The following OR51B5 variants were observed in gnomAD, a reference collection of about 807,000 sequenced individuals.
OR51B5 encodes the protein olfactory receptor 51B5.
For synonymous variants in OR51B5, 186 were observed against 144.8 expected, an observed-to-expected ratio of 1.28 and a Z score of -2.04; for missense variants, 456 against 374.6, an observed-to-expected ratio of 1.22 and a Z score of -1.79.
At chr11:5,373,137 C>G (rs949167809) in intron 1 of OR51B5, among the ~76,000 whole-genome samples, 16 of 152,064 alleles carry the variant, frequency 1.1e-4, no homozygotes, top group Non-Finnish European at 2.1e-4. Flanking sequence ...AAAATTGGAC[C>G]TTTACCTTAA....
chr11:5,416,621 T>TA (rs1254073194), intron 1 of OR51B5, among the ~76,000 whole-genome samples: 32 of 149,618 alleles, frequency 2.1e-4, no homozygotes, highest in African/African-American at 7.6e-4. Flanking sequence ...CAAGCATTCT[T>TA]ATACACCAAT....
upstream of OR51B5, among the ~76,000 whole-genome samples, chr11:5,343,808 A>T (rs1848946417): frequency 5.3e-5 from 8 of 152,356 alleles, no homozygotes; most frequent in African/African-American, 1.7e-4. Context: ...AAAAAAAATT[A>T]TGTAAACTAC....
Position 5,360,151 on chromosome 11 carries a change from A to C in OR51B5, n.85-13241T>G, listed in dbSNP as rs1849258283. 1.3e-5 allele frequency among the ~76,000 whole-genome samples: 2 copies of C among 150,452 alleles called. 1 individual carries two copies. Among genetic ancestry groups the C allele is most frequent in the South Asian group, 4.2e-4 (2 of 4,714 alleles). On this transcript the variant is annotated intron_variant and non_coding_transcript_variant, in intron 1 of 4. Coordinates refer to the OR51B5 transcript ENST00000415970. The stretch of plus-strand genomic sequence containing the variant: ...AAGCCAAAATGGACAAATGGGATCT[A>C]ATTAAACTAAAGAGCTTCTGCACAG...
chr11:5,430,118 T>C (rs985688149), intron 1 of OR51B5, among the ~76,000 whole-genome samples: 3 of 152,298 alleles, frequency 2.0e-5, no homozygotes, highest in African/African-American at 7.2e-5. Flanking sequence ...TAAAAGAAGG[T>C]AACATTAATA....
At chr11:5,405,118 T>A (rs1850039599) in intron 1 of OR51B5, among the ~76,000 whole-genome samples, 1 of 152,234 alleles carries the variant, frequency 6.6e-6, no homozygotes, top group South Asian at 2.1e-4. Context: ...TAAAATGATG[T>A]AAAGCGTTTA....
intron 1 of OR51B5, chr11:5,455,689 T>C (rs1234695016): frequency 6.6e-6 from 1 of 152,048 alleles, no homozygotes; most frequent in African/African-American, 2.4e-5. Flanking sequence ...AGAAACCACG[T>C]AGTAGCAAAG....
intron 1 of OR51B5, among the ~76,000 whole-genome samples, chr11:5,501,932 G>A (rs1261015485): frequency 2.5e-5 from 3 of 117,958 alleles, no homozygotes; most frequent in Non-Finnish European, 6.0e-5. Context: ...CCCAACCCCC[G>A]ACAGGCCCGG....
chr11:5,390,050 A>C, intron 1 of OR51B5: 1 of 1,613,618 alleles, frequency 6.2e-7, no homozygotes, highest in Non-Finnish European at 8.5e-7. Context: ...GGTAGTTTTC[A>C]CTGTGATGCT....
intron 1 of OR51B5, among the ~76,000 whole-genome samples, chr11:5,428,398 G>T (rs1850481229): frequency 1.3e-5 from 2 of 152,134 alleles, no homozygotes; most frequent in Non-Finnish European, 2.9e-5. Context: ...ATACTTTATT[G>T]TTTAAAAATG....
chr11:5,467,942 ACTT>A (rs757571573), intron 1 of OR51B5, among the ~76,000 whole-genome samples: 2 of 152,034 alleles, frequency 1.3e-5, no homozygotes, highest in Non-Finnish European at 2.9e-5. Flanking sequence ...TTTGTACTAA[ACTT>A]CTGAATTCCA....
chr11:5,341,644 T>G (rs1400450489), downstream of OR51B5, among the ~76,000 whole-genome samples: 2 of 152,220 alleles, frequency 1.3e-5, no homozygotes, highest in Admixed American at 6.5e-5. Flanking sequence ...AAATTTACAC[T>G]TATTACATGG....
intron 1 of OR51B5, among the ~76,000 whole-genome samples, chr11:5,474,018 A>G (rs1364971654): frequency 6.6e-6 from 1 of 152,138 alleles, no homozygotes; most frequent in Non-Finnish European, 1.5e-5. Context: ...ACATAAAAAG[A>G]CACCCTTATA....
At chr11:5,345,057 G>A (rs1190023047), upstream of OR51B5, among the ~76,000 whole-genome samples, 1 of 152,150 alleles carries the variant, frequency 6.6e-6, no homozygotes, top group Non-Finnish European at 1.5e-5. Context: ...ACAGGAGAGG[G>A]ACAATAGATG....
chr11:5,415,133 A>G (rs1850220060), intron 1 of OR51B5, among the ~76,000 whole-genome samples: 1 of 152,190 alleles, frequency 6.6e-6, no homozygotes. Context: ...ACTCAAAACC[A>G]CTCAACTACA....
intron 1 of OR51B5, among the ~76,000 whole-genome samples, chr11:5,443,775 G>A (rs911675369): frequency 6.6e-6 from 1 of 151,964 alleles, no homozygotes; most frequent in African/African-American, 2.4e-5. Context: ...GTCCACAGGA[G>A]TGTCCATGAA....
intron 1 of OR51B5, among the ~76,000 whole-genome samples, chr11:5,350,586 GT>G (rs1240099288): frequency 1.3e-5 from 2 of 151,584 alleles, no homozygotes; most frequent in Admixed American, 6.6e-5. Context: ...AGATTCCATA[GT>G]TTTAAAAAAA....
intron 1 of OR51B5, chr11:5,488,924 AC>A: frequency 6.2e-7 from 1 of 1,613,950 alleles, no homozygotes; most frequent in African/African-American, 1.3e-5. Flanking sequence ...TCACTCACAG[AC>A]CTGGCTCTCA....
At chr11:5,477,944 G>T (rs1038372822) in intron 1 of OR51B5, among the ~76,000 whole-genome samples, 1 of 152,008 alleles carries the variant, frequency 6.6e-6, no homozygotes, top group South Asian at 2.1e-4. Context: ...AGGGGCGCCC[G>T]CCATTGCCCA....
At chr11:5,487,752 C>G (rs776862055) in intron 1 of OR51B5, among the ~76,000 whole-genome samples, 1 of 152,198 alleles carries the variant, frequency 6.6e-6, no homozygotes, top group Non-Finnish European at 1.5e-5. Context: ...CCATTCTGAT[C>G]TGACCTCACA....
Sources: allele counts gnomAD v4.1 joint callset (sites outside exome capture counted in the v4.1 genomes callset), GRCh38; gene constraint gnomAD v4.1.1; transcripts MANE v1.5; gene names NCBI Gene and HGNC (gene_info 2026-07-23, HGNC 2026-07-21).